SOCS7: variants seen among roughly 807,000 people sequenced by gnomAD.
The protein encoded by SOCS7 is NAP-4.
Under a neutral mutation model 58.9 loss-of-function variants are expected in SOCS7, and 18 were observed. The observed-to-expected ratio is 0.31, with a 90% CI of 0.21 to 0.45. SOCS7 has a LOEUF of 0.45. SOCS7 is among the 20% of genes least tolerant of loss of function. SOCS7 has a pLI of 1.00. For synonymous variants in SOCS7, 388 were observed against 364.3 expected (o/e 1.06, Z -0.74); for missense variants, 667 against 837.3 (o/e 0.80, Z 2.51).
rs114967284 is a variant in SOCS7, at chr17:38,398,541, C to A, written c.*31-972C>A. On this transcript the variant is annotated intron_variant, in intron 9 of 9. Transcript: ENST00000612932. ...GGATTACAGGCATGAGCCACTGTGCCCCATTGGGAAAGGTCTTTAGGGTAT... is the reference window on the plus strand; with the variant it reads ...GGATTACAGGCATGAGCCACTGTGCACCATTGGGAAAGGTCTTTAGGGTAT... 2.1e-3 allele frequency among the ~76,000 whole-genome samples: 323 copies of A among 152,248 alleles called. 2 individuals carry two copies. Among genetic ancestry groups the A allele is most frequent in the African/African-American group, 7.2e-3 (301 of 41,542 alleles).
At chr17:38,365,601 G>A in intron 4 of SOCS7, 192 bp downstream of exon 4, 4 of 440,630 alleles carry the variant, frequency 9.1e-6, no homozygotes, top group Non-Finnish European at 1.6e-5. Context: ...TTTTCTTTAT[G>A]GAGGTCAATC....
intron 6 of SOCS7, among the ~76,000 whole-genome samples, chr17:38,372,534 A>G (rs1174423112): frequency 2.0e-5 from 3 of 152,356 alleles, no homozygotes; most frequent in African/African-American, 7.2e-5. Flanking sequence ...AGTCATCACC[A>G]TGTGAGTGTT....
At chr17:38,373,778 C>T (rs149292099) in intron 6 of SOCS7, among the ~76,000 whole-genome samples, 14 of 152,332 alleles carry the variant, frequency 9.2e-5, no homozygotes, top group Non-Finnish European at 1.5e-4. Flanking sequence ...CCCCCAGACG[C>T]GACGTCGCTA....
chr17:38,367,548 A>G (rs921957301), intron 5 of SOCS7, among the ~76,000 whole-genome samples: 12 of 150,840 alleles, frequency 8.0e-5, no homozygotes, highest in Admixed American at 7.3e-4. Context: ...TAATTTTTGT[A>G]TTTTTAGTAG....
chr17:38,366,111 C>T, intron 4 of SOCS7, 176 bp from the exon 5 acceptor site: 2 of 1,255,828 alleles, frequency 1.6e-6, no homozygotes, highest in Non-Finnish European at 2.1e-6. Context: ...CAAGCCCACA[C>T]AGCTTTTTGT....
intron 8 of SOCS7, 83 bp from the exon 9 acceptor site, chr17:38,395,765 G>T: frequency 1.4e-6 from 2 of 1,387,554 alleles, no homozygotes; most frequent in South Asian, 2.4e-5. Context: ...TGTAGGGAGT[G>T]AAGAAGAGTT....
chr17:38,381,848 T>C (rs2038004275), intron 7 of SOCS7, among the ~76,000 whole-genome samples: 1 of 146,136 alleles, frequency 6.8e-6, no homozygotes. Context: ...TCTGTAGTCC[T>C]AGCTATTTAG....
intron 5 of SOCS7, 111 bp from the exon 6 acceptor site, chr17:38,367,771 A>C (rs1012307601): frequency 1.1e-6 from 1 of 948,798 alleles, no homozygotes; most frequent in African/African-American, 1.6e-5. Context: ...TTACCTATTG[A>C]AATATTTTGG....
Position 38,366,300 on chromosome 17 carries a change from G to A in SOCS7, c.1266G>A (p.Arg422=). ...PPPHAPDAFP[R]IAPIRAAESL... ...CTTGCCCTGCAGATGCATTTCCCCG[G>A]ATTGCTCCCATCCGAGCAGCTGAAT... is the stretch of plus-strand genomic sequence containing the variant. The change falls in exon 5 of 10, where the codon CGG becomes CGA. Residue 422 remains arginine, a synonymous_variant. Transcript: ENST00000612932. 1 of 1,614,072 alleles carries A rather than the reference G, an allele frequency of 6.2e-7. No individual in the cohort carries two copies. The highest frequency in any genetic ancestry group is 1.7e-5 in the Admixed American group (1 of 59,996).
At position 38,351,917 on chromosome 17, in the gene SOCS7, C is replaced by T. The variant is rs879670458; in HGVS notation, c.-136C>T. Among the ~76,000 whole-genome samples the T allele has an allele frequency of 7.9e-4, 120 of 151,510 alleles. 1 individual carries two copies. The highest frequency in any genetic ancestry group is 5.2e-4 in the Non-Finnish European group (35 of 67,666). On this transcript the variant is annotated 5_prime_UTR_variant, in exon 1 of 10. Coordinates refer to ENST00000612932, the MANE Select transcript of SOCS7 (RefSeq NM_014598.4). ...CTGGGCTCCGCGCGCCCCCCGCCCCCCTCTATGAGGCAGAGGCCGCGGCGG... is the reference window on the plus strand; with the variant it reads ...CTGGGCTCCGCGCGCCCCCCGCCCCTCTCTATGAGGCAGAGGCCGCGGCGG...
At chr17:38,362,350 C>T (rs1398233471) in intron 2 of SOCS7, among the ~76,000 whole-genome samples, 1 of 152,214 alleles carries the variant, frequency 6.6e-6, no homozygotes. Context: ...GCTGTAGAAT[C>T]TCCTTTGGAT....
chr17:38,393,212 G>A (rs563141392), intron 7 of SOCS7, among the ~76,000 whole-genome samples: 29 of 151,980 alleles, frequency 1.9e-4, no homozygotes, highest in Non-Finnish European at 3.1e-4. Flanking sequence ...AACTTGTTCA[G>A]TAACAATAAA....
chr17:38,394,754 T>C (rs1023512305), intron 7 of SOCS7, among the ~76,000 whole-genome samples: 4 of 152,190 alleles, frequency 2.6e-5, no homozygotes, highest in African/African-American at 4.8e-5. Context: ...TCAGCTGTTA[T>C]GAGTGATGCT....
At chr17:38,384,353 G>A (rs1297314678) in intron 7 of SOCS7, among the ~76,000 whole-genome samples, 2 of 152,098 alleles carry the variant, frequency 1.3e-5, no homozygotes, top group Non-Finnish European at 2.9e-5. Context: ...ACTCAGGCTG[G>A]AGTACAGTAG....
chr17:38,363,028 C>T (rs1031448735), intron 2 of SOCS7, among the ~76,000 whole-genome samples: 1 of 151,998 alleles, frequency 6.6e-6, no homozygotes, highest in African/African-American at 2.4e-5. Flanking sequence ...GCAGGAGAAT[C>T]GCTTGAACCC....
chr17:38,380,251 G>A (rs6503551), intron 7 of SOCS7, among the ~76,000 whole-genome samples: 2,939 of 152,250 alleles, frequency 0.019, 106 homozygotes, highest in African/African-American at 0.066. Flanking sequence ...GTGCCTGTTA[G>A]ATGCCAGGTA....
intron 6 of SOCS7, 51 bp downstream of exon 6, chr17:38,368,101 T>G: frequency 6.7e-7 from 1 of 1,498,672 alleles, no homozygotes; most frequent in Non-Finnish European, 9.0e-7. Flanking sequence ...TTGCTCTACC[T>G]TTGCTGTCTG....
chr17:38,354,095 C>A (rs1435793799), intron 1 of SOCS7, among the ~76,000 whole-genome samples: 3 of 152,158 alleles, frequency 2.0e-5, no homozygotes, highest in African/African-American at 4.8e-5. Context: ...TCTTCGGCAT[C>A]CAGTGTTACA....
chr17:38,352,630 C>G lies in SOCS7; in HGVS notation c.578C>G (p.Thr193Ser). Reference sequence around the variant, plus strand: ...GAATCGGAGGCCGAGAGCCTGGAGACTAACAGCTGCTCGGAAGAGGAGCTC... The same window carrying G: ...GAATCGGAGGCCGAGAGCCTGGAGAGTAACAGCTGCTCGGAAGAGGAGCTC... Reference protein sequence around the residue: ...GLESEAESLETNSCSEEELSS... With the variant: ...GLESEAESLESNSCSEEELSS... Residue 193 changes from threonine (T) to serine (S), a missense_variant, in exon 1 of 10, where the codon ACT (threonine) becomes AGT (serine). By Grantham distance (58) the Thr-to-Ser change is moderately conservative. Coordinates refer to ENST00000612932, the MANE Select transcript of SOCS7 (RefSeq NM_014598.4). The surrounding 1 kb of genome is among the most constrained non-coding windows in gnomAD (Gnocchi z 5.5). 6.5e-7 allele frequency: 1 copy of G among 1,550,090 alleles called. No individual in the cohort carries two copies. The highest frequency in any genetic ancestry group is 8.7e-7 in the Non-Finnish European group (1 of 1,146,858).
Sources: allele counts gnomAD v4.1 joint callset (sites outside exome capture counted in the v4.1 genomes callset), GRCh38; gene constraint gnomAD v4.1.1; non-coding constraint Gnocchi (gnomAD v3.1); transcripts MANE v1.5; gene names NCBI Gene and HGNC (gene_info 2026-07-23, HGNC 2026-07-21).